The following AOAH variants were observed in gnomAD, a reference collection of about 807,000 sequenced individuals.
AOAH encodes the protein acyloxyacyl hydrolase.
In AOAH, 64 loss-of-function variants were observed where a neutral mutation model predicts 92.2. The observed-to-expected ratio is 0.69, with a 90% CI of 0.57 to 0.86. AOAH has a LOEUF of 0.86. AOAH is among the 40% of genes least tolerant of loss of function. The probability of loss-of-function intolerance (pLI) is 0.00; values close to 1 mark genes in which losing one functional copy is unlikely to be tolerated. For synonymous variants in AOAH, 263 were observed against 254.5 expected (o/e 1.03, Z -0.32); for missense variants, 656 against 694.6 (o/e 0.94, Z 0.62).
intron 11 of AOAH, among the ~76,000 whole-genome samples, chr7:36,608,465 G>A (rs568984784): frequency 1.3e-5 from 2 of 152,206 alleles, no homozygotes; most frequent in African/African-American, 4.8e-5. Flanking sequence ...TGTCCACATT[G>A]TCTCAGGCCT....
At chr7:36,718,369 G>A (rs1799383286) in intron 1 of AOAH, among the ~76,000 whole-genome samples, 1 of 152,164 alleles carries the variant, frequency 6.6e-6, no homozygotes, top group Non-Finnish European at 1.5e-5. Context: ...ATGTAAAATG[G>A]TGCAGCTGCT....
At chr7:36,604,955 C>A (rs1487963777) in intron 11 of AOAH, among the ~76,000 whole-genome samples, 1 of 152,200 alleles carries the variant, frequency 6.6e-6, no homozygotes, top group Non-Finnish European at 1.5e-5. Context: ...AGCGGTCAGG[C>A]TTAGTGATGC....
At chr7:36,702,143 A>G (rs1057220813) in intron 1 of AOAH, among the ~76,000 whole-genome samples, 1 of 147,974 alleles carries the variant, frequency 6.8e-6, no homozygotes, top group Admixed American at 6.8e-5. Flanking sequence ...TTTTATAATT[A>G]TTGCTTTAAA....
intron 1 of AOAH, among the ~76,000 whole-genome samples, chr7:36,691,006 T>C (rs1797364332): frequency 6.6e-6 from 1 of 152,216 alleles, no homozygotes; most frequent in Non-Finnish European, 1.5e-5. Flanking sequence ...CCCATTTGTC[T>C]GAAACCCACA....
intron 15 of AOAH, among the ~76,000 whole-genome samples, chr7:36,545,245 T>A (rs938651135): frequency 6.6e-6 from 1 of 152,092 alleles, no homozygotes; most frequent in African/African-American, 2.4e-5. Flanking sequence ...TATTACCCCA[T>A]GCATAGAGAT....
chr7:36,711,745 C>T (rs574890029), intron 1 of AOAH, among the ~76,000 whole-genome samples: 2 of 152,054 alleles, frequency 1.3e-5, no homozygotes, highest in Non-Finnish European at 2.9e-5. Flanking sequence ...TCTGCCTGGC[C>T]CATGAGGGTG....
intron 16 of AOAH, among the ~76,000 whole-genome samples, chr7:36,537,236 A>ATT (rs59203342): frequency 0.012 from 1,762 of 144,558 alleles, 19 homozygotes; most frequent in Middle Eastern, 0.025. Flanking sequence ...CCTTGATTGG[A>ATT]TTTTTTTTTT....
chr7:36,548,979 A>C (rs1429313987), intron 14 of AOAH, among the ~76,000 whole-genome samples: 5 of 152,170 alleles, frequency 3.3e-5, no homozygotes, highest in Admixed American at 2.0e-4. Context: ...GGCATCTTTC[A>C]CAGCAATTGC....
At chr7:36,693,205 T>C (rs1005774256) in intron 1 of AOAH, among the ~76,000 whole-genome samples, 1 of 152,168 alleles carries the variant, frequency 6.6e-6, no homozygotes, top group Non-Finnish European at 1.5e-5. Context: ...TAAAATAAAT[T>C]TGAAAAACTA....
chr7:36,673,988 G>A lies in AOAH; in HGVS notation c.245C>T (p.Thr82Ile), dbSNP rs1371410199. 3 of 1,609,980 alleles carry A rather than the reference G, an allele frequency of 1.9e-6. No homozygotes were observed. The highest frequency in any genetic ancestry group is 2.5e-6 in the Non-Finnish European group (3 of 1,176,876). The change falls in exon 3 of 21, where the codon ACC (threonine) becomes ATC (isoleucine). Residue 82 changes from threonine to isoleucine, a missense_variant. Physicochemically the swap from Thr to Ile is moderately conservative, Grantham distance 89. Transcript: ENST00000617537. ...AAACTTGTCAATGACTAAATAGCAG[G>A]TGGTTTTCAAGAACAGTTTTTCTAA... ...YLPEKLFLKT[T>I]CYLVIDKFGS...
chr7:36,535,841 A>G (rs1785024376), intron 16 of AOAH, among the ~76,000 whole-genome samples: 1 of 152,216 alleles, frequency 6.6e-6, no homozygotes, highest in South Asian at 2.1e-4. Context: ...CTCACAGATC[A>G]TGGCTGAGAG....
intron 13 of AOAH, among the ~76,000 whole-genome samples, chr7:36,565,466 C>T (rs1438147880): frequency 1.3e-5 from 2 of 151,880 alleles, no homozygotes; most frequent in South Asian, 2.1e-4. Flanking sequence ...AAATGATTTC[C>T]AAAAAGTTGC....
intron 19 of AOAH, among the ~76,000 whole-genome samples, chr7:36,527,000 T>A (rs1179192182): frequency 6.6e-6 from 1 of 152,198 alleles, no homozygotes; most frequent in East Asian, 1.9e-4. Context: ...TAAAAATGGC[T>A]TTGTCAGCCA....
At chr7:36,672,321 C>T (rs931811454) in intron 3 of AOAH, among the ~76,000 whole-genome samples, 1 of 152,156 alleles carries the variant, frequency 6.6e-6, no homozygotes, top group African/African-American at 2.4e-5. Flanking sequence ...TGCTGTAAGG[C>T]TAATGGCCCC....
intron 3 of AOAH, among the ~76,000 whole-genome samples, chr7:36,670,665 C>G (rs1795858758): frequency 6.6e-6 from 1 of 152,094 alleles, no homozygotes; most frequent in South Asian, 2.1e-4. Context: ...TTAGTAGAGA[C>G]AGGGTTTCAC....
chr7:36,513,788 G>A (rs75756523), intron 20 of AOAH, among the ~76,000 whole-genome samples: 4,086 of 152,314 alleles, frequency 0.027, 82 homozygotes, highest in Non-Finnish European at 0.039. Flanking sequence ...CCCCAGATGA[G>A]TCCCCGGATG....
intron 4 of AOAH, among the ~76,000 whole-genome samples, chr7:36,656,349 T>C (rs536395063): frequency 3.3e-5 from 5 of 152,294 alleles, no homozygotes; most frequent in Admixed American, 6.5e-5. Flanking sequence ...CCGGTGGCGA[T>C]AGACTTCAGA....
intron 1 of AOAH, among the ~76,000 whole-genome samples, chr7:36,714,068 A>G (rs535535266): frequency 4.6e-5 from 7 of 152,332 alleles, no homozygotes; most frequent in African/African-American, 1.4e-4. Context: ...AACAAAATTG[A>G]TAGACCGCTA....
At chr7:36,556,391 G>T (rs898406397) in intron 13 of AOAH, among the ~76,000 whole-genome samples, 4 of 152,036 alleles carry the variant, frequency 2.6e-5, no homozygotes, top group East Asian at 3.9e-4. Flanking sequence ...GCTGAGGAGA[G>T]CTTTACTTCC....
Sources: allele counts gnomAD v4.1 joint callset (sites outside exome capture counted in the v4.1 genomes callset), GRCh38; gene constraint gnomAD v4.1.1; transcripts MANE v1.5; gene names NCBI Gene and HGNC (gene_info 2026-07-23, HGNC 2026-07-21).